TACC2: variants seen among roughly 807,000 people sequenced by gnomAD.
TACC2 encodes transforming acidic coiled-coil containing protein 2.
TACC2 carries 137 observed loss-of-function variants against 227.3 expected under a neutral mutation model. The ratio of observed to expected loss-of-function variants is 0.60; its 90% CI spans 0.52 to 0.69. TACC2 has a LOEUF of 0.69. TACC2 is among the 30% of genes least tolerant of loss of function. The pLI, the probability that TACC2 is intolerant of heterozygous loss-of-function variation, is 0.00. For synonymous variants in TACC2, 1,523 were observed against 1,487.5 expected, an observed-to-expected ratio of 1.02 and a Z score of -0.55; for missense variants, 3,470 against 3,694.4, an observed-to-expected ratio of 0.94 and a Z score of 1.57.
At chr10:122,131,540 T>C (rs1411915139) in intron 5 of TACC2, among the ~76,000 whole-genome samples, 1 of 152,154 alleles carries the variant, frequency 6.6e-6, no homozygotes, top group African/African-American at 2.4e-5. Flanking sequence ...ATCTAAACTT[T>C]AAAAAATATA....
chr10:121,991,645 TAC>T (rs1409750440), intron 1 of TACC2, among the ~76,000 whole-genome samples: 7 of 152,252 alleles, frequency 4.6e-5, no homozygotes, highest in African/African-American at 1.7e-4. Flanking sequence ...TCAGCCGGTA[TAC>T]AGAGATGTCT....
At chr10:122,157,802 T>A (rs974175230) in intron 7 of TACC2, among the ~76,000 whole-genome samples, 1 of 151,800 alleles carries the variant, frequency 6.6e-6, no homozygotes, top group Non-Finnish European at 1.5e-5. Flanking sequence ...CATTTCCGTC[T>A]CAAAAGAGCT....
At chr10:122,172,532 G>A (rs2140099308) in intron 7 of TACC2, among the ~76,000 whole-genome samples, 1 of 152,352 alleles carries the variant, frequency 6.6e-6, no homozygotes, top group African/African-American at 2.4e-5. Flanking sequence ...GCGTTAAAGG[G>A]AGGCGCCTAC....
intron 1 of TACC2, among the ~76,000 whole-genome samples, chr10:122,018,988 G>A (rs951876468): frequency 5.9e-5 from 9 of 152,234 alleles, no homozygotes; most frequent in African/African-American, 2.2e-4. Flanking sequence ...GCAGGGGTAA[G>A]GCGCTTCCAT....
chr10:122,149,474 T>C (rs1465576832), intron 7 of TACC2, among the ~76,000 whole-genome samples: 1 of 152,168 alleles, frequency 6.6e-6, no homozygotes, highest in African/African-American at 2.4e-5. Context: ...CTTCAGGCTT[T>C]CCTGTGAGGT....
intron 5 of TACC2, among the ~76,000 whole-genome samples, chr10:122,124,330 G>A (rs1210606791): frequency 6.6e-6 from 1 of 152,162 alleles, no homozygotes; most frequent in Non-Finnish European, 1.5e-5. Flanking sequence ...GTCCCAGTGT[G>A]TCCTGCATCA....
Position 122,085,966 on chromosome 10 carries a change from A to G in TACC2, c.3466A>G (p.Ser1156Gly), listed in dbSNP as rs2080054609. The G allele has an allele frequency of 1.6e-5, 26 of 1,613,850 alleles. No homozygotes were observed. Among genetic ancestry groups the G allele is most frequent in the Non-Finnish European group, 2.1e-5 (25 of 1,179,944 alleles). ...GGAGAAACCTGGAGAAGCTACTTTGAGTTGTGGCCTCCTTCAGACTGAGCA... is the reference window on the plus strand; with the variant it reads ...GGAGAAACCTGGAGAAGCTACTTTGGGTTGTGGCCTCCTTCAGACTGAGCA... ...APEKPGEATL[S>G]CGLLQTEHCL... Residue 1156 changes from serine to glycine, a missense_variant, in exon 4 of 23, where the codon AGT becomes GGT. Physicochemically the swap from Ser to Gly is moderately conservative, Grantham distance 56. This residue lies in a region of TACC2 where 1,924 missense variants were observed against 1,978.3 expected (regional missense o/e 0.97). Transcript: ENST00000369005.
In TACC2 at chr10:122,194,492, C is replaced by T. The variant is rs1593175826; in HGVS notation, c.5835-548C>T. 1.3e-5 allele frequency among the ~76,000 whole-genome samples: 2 copies of T among 152,324 alleles called. No individual in the cohort carries two copies. The highest frequency in any genetic ancestry group is 1.3e-4 in the Admixed American group (2 of 15,300). ...CACCCACTCAACACATGTTCATTCC[C>T]GGCCCTCCACTGTAGGCTTGGAGAT... On this transcript the variant is annotated intron_variant, in intron 7 of 22. Coordinates refer to ENST00000369005, the MANE Select transcript of TACC2 (RefSeq NM_206862.4). The surrounding 1 kb of genome is among the most constrained non-coding windows in gnomAD (Gnocchi z 4.4).
intron 5 of TACC2, among the ~76,000 whole-genome samples, chr10:122,090,472 G>A (rs988941045): frequency 1.5e-3 from 229 of 149,986 alleles, no homozygotes; most frequent in African/African-American, 4.3e-3. Context: ...GCGTGAACCC[G>A]GGAGGTGGAG....
intron 8 of TACC2, among the ~76,000 whole-genome samples, chr10:122,197,703 A>G (rs948922299): frequency 3.9e-5 from 6 of 152,242 alleles, no homozygotes; most frequent in African/African-American, 7.2e-5. Context: ...TCCTCCTTTG[A>G]AAACGGCAGC....
Position 122,141,538 on chromosome 10 carries a change from A to G in TACC2, c.5700-2034A>G, listed in dbSNP as rs547263326. Among the ~76,000 whole-genome samples, 8 of 152,116 alleles carry G rather than the reference A, an allele frequency of 5.3e-5. No homozygotes were observed. The highest frequency in any genetic ancestry group is 1.9e-4 in the African/African-American group (8 of 41,492). On this transcript the variant is annotated intron_variant, in intron 6 of 22. Transcript: ENST00000369005. The surrounding 1 kb of genome is among the most constrained non-coding windows in gnomAD (Gnocchi z 4.3). ...GGCAGGCGGGGGAGCTTGGTGAGTGAGCCTTGGTTGTGCTGCCCCAGGGTG... is the reference window on the plus strand; with the variant it reads ...GGCAGGCGGGGGAGCTTGGTGAGTGGGCCTTGGTTGTGCTGCCCCAGGGTG...
intron 7 of TACC2, among the ~76,000 whole-genome samples, chr10:122,188,886 T>C (rs922947844): frequency 6.6e-6 from 1 of 151,514 alleles, no homozygotes; most frequent in African/African-American, 2.4e-5. Context: ...GCCGTAGGTG[T>C]CAGCCTGGAA....
intron 11 of TACC2, among the ~76,000 whole-genome samples, chr10:122,218,464 C>T (rs1432982559): frequency 6.6e-6 from 1 of 152,102 alleles, no homozygotes; most frequent in Non-Finnish European, 1.5e-5. Context: ...CAGTCAGGCC[C>T]GGAGGCATGG....
At chr10:121,999,209 G>T (rs1953966078) in intron 1 of TACC2, among the ~76,000 whole-genome samples, 1 of 151,964 alleles carries the variant, frequency 6.6e-6, no homozygotes, top group Admixed American at 6.6e-5. Context: ...GGGTTTCACC[G>T]TTTTGGCCAG....
At chr10:122,208,122 G>A (rs1379736140) in intron 8 of TACC2, among the ~76,000 whole-genome samples, 1 of 152,162 alleles carries the variant, frequency 6.6e-6, no homozygotes, top group Non-Finnish European at 1.5e-5. Context: ...AGGAAGGAGT[G>A]TTTGGAGAAA....
chr10:122,052,860 G>A (rs550081216), intron 3 of TACC2, among the ~76,000 whole-genome samples: 43 of 152,290 alleles, frequency 2.8e-4, no homozygotes, highest in Admixed American at 4.6e-4. Flanking sequence ...CTCTGCAAGG[G>A]CTGACAGTGA....
At chr10:122,039,503 T>C (rs924267433) in intron 2 of TACC2, among the ~76,000 whole-genome samples, 1 of 151,884 alleles carries the variant, frequency 6.6e-6, no homozygotes, top group African/African-American at 2.4e-5. Context: ...CAAGGTCAGA[T>C]GAGGCAGCAG....
chr10:122,086,767 G>A lies in TACC2; in HGVS notation c.4267G>A (p.Ala1423Thr), dbSNP rs756835346. ...GATCTTCGAGAAGCCTGTGCTCGGA[G>A]CCCTGGCCACACCTGGAGAAAAGGC... The part of the protein sequence containing the change: ...AKIFEKPVLG[A>T]LATPGEKAGA... Residue 1423 changes from alanine to threonine, a missense_variant, in exon 4 of 23, where the codon GCC becomes ACC. Transcript: ENST00000369005. 3.7e-5 allele frequency: 59 copies of A among 1,613,874 alleles called. No individual in the cohort carries two copies. Among genetic ancestry groups the A allele is most frequent in the Non-Finnish European group, 4.9e-5 (58 of 1,180,008 alleles).
intron 1 of TACC2, among the ~76,000 whole-genome samples, chr10:122,012,064 A>C (rs1323388243): frequency 1.3e-5 from 2 of 151,910 alleles, no homozygotes; most frequent in Admixed American, 1.3e-4. Context: ...CCGCCTCCCA[A>C]GTTTCTGGAA....
Sources: allele counts gnomAD v4.1 joint callset (sites outside exome capture counted in the v4.1 genomes callset), GRCh38; gene constraint gnomAD v4.1.1; regional missense constraint gnomAD v4.1.1; non-coding constraint Gnocchi (gnomAD v3.1); transcripts MANE v1.5; gene names NCBI Gene and HGNC (gene_info 2026-07-23, HGNC 2026-07-21).